The following ZNF469 variants were observed in gnomAD, a reference collection of about 807,000 sequenced individuals.
The protein encoded by ZNF469 is zinc finger protein 469.
In ZNF469, 1 loss-of-function variant was observed where a neutral mutation model predicts 1.0. The observed-to-expected ratio is 1.00, with a 90% CI of 0.35 to 4.73. The LOEUF is 4.73. Among genes scored for constraint, ZNF469 ranks in the 30% most tolerant of loss-of-function variants. The pLI, the probability that ZNF469 is intolerant of heterozygous loss-of-function variation, is 0.16. For missense variants in ZNF469, 6,100 were observed against 5,356.3 expected (o/e 1.14, Z -4.33); for synonymous variants, 2,703 against 2,363.4 (o/e 1.14, Z -4.17).
chr16:88,292,467 C>T, the ZNF469 span, among the ~76,000 whole-genome samples: 2 of 152,154 alleles, frequency 1.3e-5, no homozygotes, highest in Middle Eastern at 3.2e-3. Flanking sequence ...TCACCAGGGC[C>T]CCAGTGGGGT....
intron 1 of ZNF469, among the ~76,000 whole-genome samples, chr16:88,405,260 C>T (rs147129928): frequency 3.3e-4 from 50 of 151,232 alleles, no homozygotes; most frequent in African/African-American, 1.1e-3. Flanking sequence ...GGTGTGGCCT[C>T]ATACAGGACG....
the ZNF469 span, among the ~76,000 whole-genome samples, chr16:88,172,395 C>T: frequency 1.3e-5 from 2 of 152,160 alleles, no homozygotes; most frequent in East Asian, 3.8e-4. Flanking sequence ...AAGAGTGTTG[C>T]CTGAGAAATG....
At chr16:88,306,040 C>T in the ZNF469 span, among the ~76,000 whole-genome samples, 1 of 152,240 alleles carries the variant, frequency 6.6e-6, no homozygotes, top group Non-Finnish European at 1.5e-5. Flanking sequence ...AATGTAGACA[C>T]CTGGTCTGAC....
chr16:88,258,033 CTT>C, the ZNF469 span, among the ~76,000 whole-genome samples: 2 of 152,222 alleles, frequency 1.3e-5, no homozygotes, highest in Admixed American at 6.5e-5. Context: ...CAAGGAAACA[CTT>C]ATAAAATAGC....
the ZNF469 span, among the ~76,000 whole-genome samples, chr16:88,345,299 C>T: frequency 7.8e-4 from 119 of 152,368 alleles, no homozygotes; most frequent in African/African-American, 2.8e-3. Flanking sequence ...TGGCAACAAG[C>T]TGCCACCACA....
the ZNF469 span, among the ~76,000 whole-genome samples, chr16:88,153,331 T>A: frequency 6.6e-6 from 1 of 152,214 alleles, no homozygotes; most frequent in African/African-American, 2.4e-5. Flanking sequence ...AGTTATTCCC[T>A]GTATCCCTTC....
At chr16:88,327,991 G>A in the ZNF469 span, among the ~76,000 whole-genome samples, 24 of 152,372 alleles carry the variant, frequency 1.6e-4, no homozygotes, top group Admixed American at 4.6e-4. Context: ...AATGGGGAAT[G>A]CACGACCCAT....
chr16:88,304,229 T>A, the ZNF469 span, among the ~76,000 whole-genome samples: 2 of 151,802 alleles, frequency 1.3e-5, no homozygotes, highest in East Asian at 1.9e-4. Flanking sequence ...ATCTGGGAGG[T>A]CACGGATGCC....
the ZNF469 span, among the ~76,000 whole-genome samples, chr16:88,287,366 T>C: frequency 6.6e-6 from 1 of 152,238 alleles, no homozygotes; most frequent in Non-Finnish European, 1.5e-5. Context: ...TAGGTGCACA[T>C]GTATATGGCA....
At chr16:88,168,269 G>A in the ZNF469 span, among the ~76,000 whole-genome samples, 5 of 152,148 alleles carry the variant, frequency 3.3e-5, no homozygotes, top group East Asian at 1.9e-4. This position sits in a 1 kb window ranked among gnomAD's most constrained non-coding sequence, Gnocchi z 4.3. Context: ...GAACTTGGCC[G>A]AACATTTTCT....
Position 88,435,910 on chromosome 16 carries a change from A to G in ZNF469, c.8440A>G (p.Thr2814Ala). 1 of 1,550,046 alleles carries G rather than the reference A, an allele frequency of 6.5e-7. No individual in the cohort carries two copies. Among genetic ancestry groups the G allele is most frequent in the Admixed American group, 2.0e-5 (1 of 51,008 alleles). Residue 2814 changes from threonine to alanine, a missense_variant, in exon 3 of 3, where the codon ACC (threonine) becomes GCC (alanine). By Grantham distance (58) the Thr-to-Ala change is moderately conservative. Transcript: ENST00000565624. ...TTCCAGCTCTCCGGCGGACAGCACC[A>G]CCAGCAGCTGCCTCCAGGGCCTCCC... Reference protein sequence around the residue: ...ETSSSPADSTTSSCLQGLPDN... With the variant: ...ETSSSPADSTASSCLQGLPDN...
chr16:88,168,723 G>C, the ZNF469 span, among the ~76,000 whole-genome samples: 1 of 152,216 alleles, frequency 6.6e-6, no homozygotes, highest in East Asian at 1.9e-4. This position sits in a 1 kb window ranked among gnomAD's most constrained non-coding sequence, Gnocchi z 4.3. Flanking sequence ...GACGAGGGCT[G>C]GGCTTTGAGG....
chr16:88,267,415 A>G, the ZNF469 span, among the ~76,000 whole-genome samples: 1 of 152,204 alleles, frequency 6.6e-6, no homozygotes, highest in Non-Finnish European at 1.5e-5. Context: ...ACCCCTGGAC[A>G]CAGAAGTGCT....
the ZNF469 span, among the ~76,000 whole-genome samples, chr16:88,316,545 C>CTTTTTTTTTTTTTTTTTTTTTT: frequency 2.0e-5 from 2 of 101,012 alleles, no homozygotes; most frequent in African/African-American, 8.4e-5. Context: ...TAGGTGCTGT[C>CTTTTTTTTTTTTTTTTTTTTTT]TTTTTTTTTT....
At chr16:88,159,002 G>T in the ZNF469 span, among the ~76,000 whole-genome samples, 2 of 152,236 alleles carry the variant, frequency 1.3e-5, no homozygotes, top group African/African-American at 4.8e-5. Context: ...GGGTGGGTCA[G>T]TTTGTACAGA....
At chr16:88,145,942 G>A in the ZNF469 span, among the ~76,000 whole-genome samples, 1 of 152,238 alleles carries the variant, frequency 6.6e-6, no homozygotes, top group Non-Finnish European at 1.5e-5. Context: ...GGAAGTGGCC[G>A]AGAAGCTGGA....
At chr16:88,319,572 C>A in the ZNF469 span, among the ~76,000 whole-genome samples, 9 of 152,172 alleles carry the variant, frequency 5.9e-5, no homozygotes, top group African/African-American at 2.2e-4. Context: ...GCAGCGGGGC[C>A]ACTCCCCAGG....
intron 1 of ZNF469, among the ~76,000 whole-genome samples, chr16:88,387,860 G>A (rs75279539): frequency 0.057 from 8,613 of 152,200 alleles, 369 homozygotes; most frequent in Non-Finnish European, 0.082. Flanking sequence ...GGAACCAGGA[G>A]CAAAGGGCCC....
chr16:88,346,665 G>A, the ZNF469 span, among the ~76,000 whole-genome samples: 4 of 152,034 alleles, frequency 2.6e-5, no homozygotes, highest in African/African-American at 9.7e-5. Flanking sequence ...CTACAGGTGC[G>A]CACCACCACA....
Sources: gnomAD v4.1 joint callset for allele counts (sites outside exome capture counted in the v4.1 genomes callset) on GRCh38, gnomAD v4.1.1 for gene constraint, Gnocchi (gnomAD v3.1) non-coding constraint, MANE v1.5 for transcripts, NCBI Gene and HGNC (gene_info 2026-07-23, HGNC 2026-07-21) for gene names.